Variants in KLF12 observed in about 807,000 individuals in gnomAD.
The protein encoded by KLF12 is Krueppel-like factor 12.
A neutral mutation model predicts 37.8 loss-of-function variants in KLF12; 9 were observed. That is an observed-to-expected ratio of 0.24 (90% confidence interval 0.14 to 0.42). The LOEUF is 0.42. Ranked by LOEUF, KLF12 falls within the 10% of genes least tolerant of loss-of-function variation. The probability of loss-of-function intolerance (pLI) is 1.00; values close to 1 mark genes in which losing one functional copy is unlikely to be tolerated. For missense variants in KLF12, 411 were observed against 516.0 expected (o/e 0.80, Z 1.97); for synonymous variants, 208 against 202.1 (o/e 1.03, Z -0.25).
chr13:74,203,255 G>A, the KLF12 span, among the ~76,000 whole-genome samples: 1 of 151,820 alleles, frequency 6.6e-6, no homozygotes, highest in Non-Finnish European at 1.5e-5. Flanking sequence ...ATTAGACTTG[G>A]GTGTCATTAC....
chr13:74,179,127 C>G, the KLF12 span, among the ~76,000 whole-genome samples: 2 of 152,312 alleles, frequency 1.3e-5, no homozygotes, highest in South Asian at 4.1e-4. Context: ...CCTGGACCAT[C>G]AGACCTACTG....
chr13:73,711,812 T>A (rs1875422465), intron 7 of KLF12, among the ~76,000 whole-genome samples: 1 of 152,156 alleles, frequency 6.6e-6, no homozygotes, highest in African/African-American at 2.4e-5. Flanking sequence ...AGACTATAGC[T>A]CCATAGCTAG....
In KLF12 at chr13:73,809,733, G is replaced by A. The variant is rs150813036; in HGVS notation, c.806+3419C>T. ...TTTGTTTCATTGCACACTTCCCAGTGTTTACACATGCACATTCAGTCTTGA... is the reference window on the plus strand; with the variant it reads ...TTTGTTTCATTGCACACTTCCCAGTATTTACACATGCACATTCAGTCTTGA... On this transcript the variant is annotated intron_variant, in intron 5 of 7. Transcript: ENST00000377669. 9.5e-4 allele frequency among the ~76,000 whole-genome samples: 145 copies of A among 152,196 alleles called. 2 individuals are homozygous for A. Among genetic ancestry groups the A allele is most frequent in the Admixed American group, 3.9e-3 (60 of 15,288 alleles).
chr13:74,288,981 C>T, the KLF12 span: 4 of 152,154 alleles, frequency 2.6e-5, no homozygotes, highest in African/African-American at 4.8e-5. Context: ...ACGTAGTAGC[C>T]GAACCATCCT....
chr13:73,862,095 T>G (rs1479466477), intron 3 of KLF12, among the ~76,000 whole-genome samples: 1 of 151,370 alleles, frequency 6.6e-6, no homozygotes, highest in East Asian at 1.9e-4. Context: ...GTATTGAGGT[T>G]AAGTTAAAAA....
At chr13:73,875,358 C>T (rs1050416752) in intron 3 of KLF12, among the ~76,000 whole-genome samples, 1 of 151,864 alleles carries the variant, frequency 6.6e-6, no homozygotes, top group African/African-American at 2.4e-5. Context: ...AAATTTCCAC[C>T]ATGATTTTTT....
chr13:74,251,662 T>G, the KLF12 span, among the ~76,000 whole-genome samples: 2 of 152,042 alleles, frequency 1.3e-5, no homozygotes, highest in Non-Finnish European at 2.9e-5. Context: ...AAGATTTGGC[T>G]CCCCAGTTGG....
At chr13:74,040,281 C>A (rs567022026) in intron 1 of KLF12, among the ~76,000 whole-genome samples, 1 of 152,138 alleles carries the variant, frequency 6.6e-6, no homozygotes, top group East Asian at 1.9e-4. Flanking sequence ...ATTCAACAGT[C>A]ACAGACAGAC....
At chr13:73,870,492 G>C (rs948705609) in intron 3 of KLF12, among the ~76,000 whole-genome samples, 15 of 152,144 alleles carry the variant, frequency 9.9e-5, no homozygotes, top group African/African-American at 2.9e-4. Context: ...TTCTGACATA[G>C]AGATAAAAAA....
chr13:74,259,475 G>C, the KLF12 span: 9 of 152,188 alleles, frequency 5.9e-5, no homozygotes, highest in South Asian at 4.2e-4. Context: ...CTTGGAATCT[G>C]TTCCTCAGTC....
At chr13:74,051,703 G>A (rs1566519596) in intron 1 of KLF12, among the ~76,000 whole-genome samples, 1 of 152,108 alleles carries the variant, frequency 6.6e-6, no homozygotes, top group Non-Finnish European at 1.5e-5. Context: ...TTGGGATCAA[G>A]TTAGAAAGAA....
chr13:74,000,500 T>C (rs1390361232), intron 1 of KLF12, among the ~76,000 whole-genome samples: 4 of 152,230 alleles, frequency 2.6e-5, no homozygotes, highest in Non-Finnish European at 4.4e-5. Context: ...ACTTCATTTA[T>C]AAAACTGTCC....
At chr13:73,755,731 T>A (rs1219596179) in intron 6 of KLF12, among the ~76,000 whole-genome samples, 1 of 152,014 alleles carries the variant, frequency 6.6e-6, no homozygotes, top group Non-Finnish European at 1.5e-5. Flanking sequence ...CTGAGCAGTG[T>A]ACACTGTACC....
At chr13:73,824,169 CGG>C in intron 4 of KLF12, among the ~76,000 whole-genome samples, 1 of 151,940 alleles carries the variant, frequency 6.6e-6, no homozygotes, top group Non-Finnish European at 1.5e-5. Context: ...CTCATTTGAT[CGG>C]TTGATAAACA....
chr13:73,716,035 C>T (rs1253546030), intron 6 of KLF12, among the ~76,000 whole-genome samples: 1 of 152,152 alleles, frequency 6.6e-6, no homozygotes, highest in African/African-American at 2.4e-5. Context: ...AAAGAAATGA[C>T]ATCAGTAACA....
At chr13:74,283,232 G>T in the KLF12 span, among the ~76,000 whole-genome samples, 1 of 152,058 alleles carries the variant, frequency 6.6e-6, no homozygotes, top group Admixed American at 6.5e-5. Context: ...AGACTATATT[G>T]TTTTAATACT....
intron 1 of KLF12, among the ~76,000 whole-genome samples, chr13:74,040,527 T>G (rs1415580838): frequency 6.6e-6 from 1 of 152,112 alleles, no homozygotes; most frequent in South Asian, 2.1e-4. Flanking sequence ...ACTTCCAGTA[T>G]AAAAAACTCA....
chr13:73,895,797 T>C (rs1171272010), intron 3 of KLF12, among the ~76,000 whole-genome samples: 3 of 150,140 alleles, frequency 2.0e-5, no homozygotes, highest in African/African-American at 7.4e-5. Flanking sequence ...TAACCAATAT[T>C]GCAATGAGAA....
chr13:73,891,292 C>T (rs1417537036), intron 3 of KLF12, among the ~76,000 whole-genome samples: 1 of 151,970 alleles, frequency 6.6e-6, no homozygotes, highest in Non-Finnish European at 1.5e-5. Flanking sequence ...AATATATTTT[C>T]ACATATTTTA....
Sources: allele counts gnomAD v4.1 joint callset (sites outside exome capture counted in the v4.1 genomes callset), GRCh38; gene constraint gnomAD v4.1.1; transcripts MANE v1.5; gene names NCBI Gene and HGNC (gene_info 2026-07-23, HGNC 2026-07-21).